Variants in TNPO1 observed in about 807,000 individuals in gnomAD.
TNPO1 encodes the protein transportin-1.
TNPO1 carries 8 observed loss-of-function variants against 119.5 expected under a neutral mutation model. That is an observed-to-expected ratio of 0.07 (90% CI 0.04 to 0.12). TNPO1 has a LOEUF of 0.12. Ranked by LOEUF, TNPO1 falls within the 10% of genes least tolerant of loss-of-function variation. The probability of loss-of-function intolerance (pLI) is 1.00; values close to 1 mark genes in which losing one functional copy is unlikely to be tolerated. For synonymous variants in TNPO1, 362 were observed against 363.0 expected, an observed-to-expected ratio of 1.00 and a Z score of 0.03; for missense variants, 576 against 1,089.8, an observed-to-expected ratio of 0.53 and a Z score of 6.64.
intron 9 of TNPO1, among the ~76,000 whole-genome samples, chr5:72,881,597 A>G (rs1449792535): frequency 6.6e-6 from 1 of 152,170 alleles, no homozygotes; most frequent in East Asian, 1.9e-4. Context: ...CTGCTAATTC[A>G]TGTTCCAGAT....
At chr5:72,853,792 G>A (rs1745773017) in intron 3 of TNPO1, among the ~76,000 whole-genome samples, 1 of 152,032 alleles carries the variant, frequency 6.6e-6, no homozygotes, top group Non-Finnish European at 1.5e-5. Context: ...AAATGCTTAT[G>A]TAGTAATCTT....
intron 2 of TNPO1, 69 bp downstream of exon 2, chr5:72,848,567 C>T (rs1745272993): frequency 7.5e-6 from 7 of 934,178 alleles, no homozygotes; most frequent in African/African-American, 3.5e-5. Context: ...CCCCGGCGGC[C>T]GGGGGCTCCC....
chr5:72,863,107 T>C (rs1254520078), intron 5 of TNPO1, among the ~76,000 whole-genome samples: 2 of 151,862 alleles, frequency 1.3e-5, no homozygotes, highest in Non-Finnish European at 2.9e-5. Context: ...GAGAGGATGA[T>C]TTCTCATGGT....
At chr5:72,886,260 T>C (rs949780923) in intron 11 of TNPO1, among the ~76,000 whole-genome samples, 1 of 152,252 alleles carries the variant, frequency 6.6e-6, no homozygotes, top group Non-Finnish European at 1.5e-5. Context: ...AAAGAGTATT[T>C]TCTAGCATGC....
intron 5 of TNPO1, among the ~76,000 whole-genome samples, chr5:72,864,145 AAAAC>A (rs917605685): frequency 3.9e-5 from 6 of 152,180 alleles, no homozygotes; most frequent in Non-Finnish European, 7.3e-5. Flanking sequence ...TTTTAAAAAA[AAAAC>A]CTTAACAATT....
Position 72,909,632 on chromosome 5 carries a change from A to G in TNPO1, c.*959A>G, listed in dbSNP as rs1325754914. On this transcript the variant is annotated 3_prime_UTR_variant, in exon 25 of 25. Coordinates refer to ENST00000337273, the MANE Select transcript of TNPO1 (RefSeq NM_002270.4). ...ATCACATAGAGTGAGATTGGTATTCATTTACCTATGTTGCGCCAGTTTGTG... is the reference window on the plus strand; with the variant it reads ...ATCACATAGAGTGAGATTGGTATTCGTTTACCTATGTTGCGCCAGTTTGTG... 4 of 152,546 alleles carry G rather than the reference A, an allele frequency of 2.6e-5. No individual in the cohort carries two copies. Among genetic ancestry groups the G allele is most frequent in the Admixed American group, 2.6e-4 (4 of 15,276 alleles). 9.4% of individuals were successfully genotyped at this position (152,546 alleles called of 1,614,324 possible).
At chr5:72,873,552 C>T (rs1300046584) in intron 7 of TNPO1, among the ~76,000 whole-genome samples, 1 of 152,046 alleles carries the variant, frequency 6.6e-6, no homozygotes, top group Non-Finnish European at 1.5e-5. Flanking sequence ...CAAAATGTGT[C>T]TTAAATAGTT....
intron 2 of TNPO1, among the ~76,000 whole-genome samples, chr5:72,849,224 T>C (rs1005100624): frequency 1.3e-5 from 2 of 152,128 alleles, no homozygotes; most frequent in African/African-American, 4.8e-5. Context: ...GCTGGTGTAG[T>C]GATCCTGTTG....
In TNPO1 at chr5:72,861,894, G is replaced by C. The variant is rs1258508513; in HGVS notation, c.442G>C (p.Glu148Gln). Reference protein sequence around the residue: ...LPKLCSLLDSEDYNTCEGAFG... With the variant: ...LPKLCSLLDSQDYNTCEGAFG... The stretch of plus-strand genomic sequence containing the variant: ...AAAACTCTGTAGCCTGTTGGATTCT[G>C]AAGATTATAATACCTGTGAGGTAAG... The change falls in exon 5 of 25, where the codon GAA (glutamate) becomes CAA (glutamine). Residue 148 changes from glutamate to glutamine, a missense_variant. By Grantham distance (29) the Glu-to-Gln change is conservative. Transcript: ENST00000337273. The C allele has an allele frequency of 6.2e-7, 1 of 1,612,034 alleles. No homozygotes were observed.
intron 11 of TNPO1, 50 bp from the exon 12 acceptor site, chr5:72,887,020 A>C (rs372043255): frequency 2.0e-6 from 3 of 1,485,658 alleles, no homozygotes; most frequent in Non-Finnish European, 2.7e-6. Flanking sequence ...TAAATAATAT[A>C]TAAGTAATAA....
chr5:72,851,137 G>T (rs891582649), intron 2 of TNPO1, 107 bp from the exon 3 acceptor site: 8 of 676,902 alleles, frequency 1.2e-5, no homozygotes, highest in Non-Finnish European at 1.8e-5. Flanking sequence ...AAAAAAAAAC[G>T]CAGGACTGAA....
Position 72,875,726 on chromosome 5 carries a change from A to G in TNPO1, c.790A>G (p.Asn264Asp). 1.2e-6 allele frequency: 2 copies of G among 1,606,162 alleles called. No individual in the cohort carries two copies. The highest frequency in any genetic ancestry group is 1.7e-6 in the Non-Finnish European group (2 of 1,173,934). ...GGATCGCCTGCTTCCTCACATGCAT[A>G]ATATAGTTGAGGTAACACTGGCAAT... ...RMDRLLPHMH[N>D]IVEYMLQRTQ... is the part of the protein sequence containing the mutation. Residue 264 changes from asparagine (N) to aspartate (D), a missense_variant, in exon 8 of 25, where the codon AAT (asparagine) becomes GAT (aspartate). Asn to Asp is a conservative substitution (Grantham distance 23). This residue lies in a region of TNPO1 where 310 missense variants were observed against 583.0 expected (regional missense o/e 0.53). Transcript: ENST00000337273.
At chr5:72,901,727 C>G (rs934941952) in intron 22 of TNPO1, among the ~76,000 whole-genome samples, 1 of 152,164 alleles carries the variant, frequency 6.6e-6, no homozygotes, top group Admixed American at 6.5e-5. Flanking sequence ...CTGTGGGACT[C>G]TAGGTTAAAT....
In TNPO1 at chr5:72,912,562, T is replaced by C. The variant is rs1170834151; in HGVS notation, c.*3889T>C. On this transcript the variant is annotated 3_prime_UTR_variant, in exon 25 of 25. Coordinates refer to ENST00000337273, the MANE Select transcript of TNPO1 (RefSeq NM_002270.4). ...GTATTTCATTGAGAATCTTTCCATT[T>C]AGTCTGATTTTTTTCCTAATATTCT... 6.6e-6 allele frequency: 1 copy of C among 152,498 alleles called. No individual in the cohort carries two copies. The highest frequency in any genetic ancestry group is 2.4e-5 in the African/African-American group (1 of 41,450). The allele number at this position is 152,498 out of a possible 1,614,324, so 9.4% of individuals were successfully genotyped here.
At chr5:72,839,205 G>A (rs1744811968) in intron 1 of TNPO1, among the ~76,000 whole-genome samples, 1 of 152,124 alleles carries the variant, frequency 6.6e-6, no homozygotes, top group Non-Finnish European at 1.5e-5. Context: ...TAAATCCTAT[G>A]ATACTAAGAG....
Position 72,856,804 on chromosome 5 carries a change from G to A in TNPO1, c.355+881G>A, listed in dbSNP as rs112832956. On this transcript the variant is annotated intron_variant, in intron 4 of 24. Coordinates refer to ENST00000337273, the MANE Select transcript of TNPO1 (RefSeq NM_002270.4). The stretch of plus-strand genomic sequence containing the variant: ...TTAACATGCTTAATTATAGTAACTC[G>A]TATAAATCTATTTGGAAACACACAC... Among the ~76,000 whole-genome samples the A allele has an allele frequency of 4.1e-3, 622 of 152,194 alleles. 7 individuals carry two copies. The highest frequency in any genetic ancestry group is 0.014 in the African/African-American group (588 of 41,504).
intron 21 of TNPO1, 67 bp from the exon 22 acceptor site, chr5:72,900,907 G>A: frequency 1.9e-6 from 2 of 1,046,616 alleles, no homozygotes; most frequent in Non-Finnish European, 2.9e-6. Context: ...ATTAAATACT[G>A]TCCATTAGTA....
chr5:72,832,708 G>T (rs1227037865), intron 1 of TNPO1, among the ~76,000 whole-genome samples: 1 of 152,090 alleles, frequency 6.6e-6, no homozygotes, highest in Non-Finnish European at 1.5e-5. Flanking sequence ...TCCCTTGATG[G>T]CATCAGTGGC....
intron 13 of TNPO1, among the ~76,000 whole-genome samples, chr5:72,889,044 C>CA (rs151151536): frequency 4.0e-5 from 6 of 151,168 alleles, no homozygotes; most frequent in Non-Finnish European, 8.9e-5. Context: ...AACTGTTGAA[C>CA]AAAAAAAAGG....
Sources: gnomAD v4.1 joint callset for allele counts (sites outside exome capture counted in the v4.1 genomes callset) on GRCh38, gnomAD v4.1.1 for gene constraint, gnomAD v4.1.1 regional missense constraint, MANE v1.5 for transcripts, NCBI Gene and HGNC (gene_info 2026-07-23, HGNC 2026-07-21) for gene names.